PRELID2: variants seen among roughly 807,000 people sequenced by gnomAD.
PRELID2 encodes PRELI domain-containing protein 2.
Under a neutral mutation model 28.4 loss-of-function variants are expected in PRELID2, and 25 were observed. That is an observed-to-expected ratio of 0.88 (90% CI 0.64 to 1.23). The LOEUF is 1.23. Among genes scored for constraint, PRELID2 ranks in the 50% most tolerant of loss-of-function variants. The pLI, the probability that PRELID2 is intolerant of heterozygous loss-of-function variation, is 0.00. For missense variants in PRELID2, 201 were observed against 214.4 expected (o/e 0.94, Z 0.39); for synonymous variants, 76 against 71.6 (o/e 1.06, Z -0.31).
chr5:145,302,379 C>T, the PRELID2 span, among the ~76,000 whole-genome samples: 1 of 152,056 alleles, frequency 6.6e-6, no homozygotes, highest in Non-Finnish European at 1.5e-5. Context: ...CTCAAGTGAT[C>T]TGCCCACCTC....
chr5:145,694,978 A>AAT (rs1755228206), intron 1 of PRELID2, among the ~76,000 whole-genome samples: 1 of 152,178 alleles, frequency 6.6e-6, no homozygotes, highest in African/African-American at 2.4e-5. Context: ...CACCCCCCAC[A>AAT]TAGTTATTGG....
At chr5:145,766,773 A>G (rs1757788078) in intron 5 of PRELID2, among the ~76,000 whole-genome samples, 1 of 152,162 alleles carries the variant, frequency 6.6e-6, no homozygotes, top group African/African-American at 2.4e-5. Flanking sequence ...ACTTTTACTA[A>G]GGAGTAACAT....
At chr5:145,483,327 GT>G (rs915162267) in intron 1 of PRELID2, among the ~76,000 whole-genome samples, 4 of 152,162 alleles carry the variant, frequency 2.6e-5, no homozygotes, top group Non-Finnish European at 5.9e-5. Context: ...TCTACTAGCT[GT>G]TTTGGATCCC....
At chr5:145,820,171 G>A (rs1213857707) in intron 2 of PRELID2, among the ~76,000 whole-genome samples, 153 bp from the exon 3 acceptor site, 6 of 148,942 alleles carry the variant, frequency 4.0e-5, no homozygotes, top group Non-Finnish European at 8.9e-5. Flanking sequence ...GCACGGTCTC[G>A]GCTCACTGCA....
chr5:145,674,607 T>C (rs950057736), intron 1 of PRELID2, among the ~76,000 whole-genome samples: 2 of 152,314 alleles, frequency 1.3e-5, no homozygotes, highest in East Asian at 3.9e-4. Flanking sequence ...GATCTATTCC[T>C]CACTCCATAT....
intron 1 of PRELID2, among the ~76,000 whole-genome samples, chr5:145,635,183 G>A (rs1283737648): frequency 6.6e-6 from 1 of 152,126 alleles, no homozygotes; most frequent in Non-Finnish European, 1.5e-5. Context: ...TGGGGTTTTT[G>A]TCTAGGATTG....
chr5:145,566,047 G>C (rs539025559), intron 1 of PRELID2, among the ~76,000 whole-genome samples: 1 of 152,304 alleles, frequency 6.6e-6, no homozygotes, highest in South Asian at 2.1e-4. Context: ...GGGTAGATCA[G>C]AGTGCTGTTA....
intron 5 of PRELID2, among the ~76,000 whole-genome samples, chr5:145,783,453 G>A (rs1251542015): frequency 6.6e-6 from 1 of 152,208 alleles, no homozygotes; most frequent in Non-Finnish European, 1.5e-5. Context: ...GGGCTGATGG[G>A]GAAGGAGATG....
chr5:145,456,206 CT>C, the PRELID2 span, among the ~76,000 whole-genome samples: 1 of 152,296 alleles, frequency 6.6e-6, no homozygotes, highest in South Asian at 2.1e-4. Flanking sequence ...ATTCAGCTGA[CT>C]TTTGTTTTTC....
At chr5:145,235,901 C>T in the PRELID2 span, among the ~76,000 whole-genome samples, 3 of 152,056 alleles carry the variant, frequency 2.0e-5, no homozygotes, top group Non-Finnish European at 4.4e-5. Context: ...TAAACAGGAG[C>T]CAGTGCACAG....
At chr5:145,337,304 A>G in the PRELID2 span, among the ~76,000 whole-genome samples, 1 of 152,178 alleles carries the variant, frequency 6.6e-6, no homozygotes, top group South Asian at 2.1e-4. Flanking sequence ...GCAATATTGC[A>G]AACCTCTAGC....
the PRELID2 span, among the ~76,000 whole-genome samples, chr5:145,258,988 C>T: frequency 1.3e-5 from 2 of 152,162 alleles, no homozygotes; most frequent in Admixed American, 6.5e-5. Flanking sequence ...CCAGTCACTC[C>T]AGCTCCAGTC....
chr5:145,416,254 A>T, the PRELID2 span, among the ~76,000 whole-genome samples: 7 of 151,986 alleles, frequency 4.6e-5, no homozygotes, highest in Admixed American at 1.3e-4. Flanking sequence ...TACACCTTAT[A>T]CAAAAATTAA....
the PRELID2 span, among the ~76,000 whole-genome samples, chr5:145,385,599 T>C: frequency 6.6e-6 from 1 of 152,208 alleles, no homozygotes; most frequent in Non-Finnish European, 1.5e-5. Flanking sequence ...CATTTTTCAC[T>C]ACTGTAACAC....
downstream of PRELID2, among the ~76,000 whole-genome samples, chr5:145,753,747 T>C (rs1231256597): frequency 6.6e-6 from 1 of 152,200 alleles, no homozygotes; most frequent in Non-Finnish European, 1.5e-5. Flanking sequence ...GGTGAGACCC[T>C]GGCATCGGTG....
At chr5:145,598,046 A>G (rs970910944) in intron 1 of PRELID2, among the ~76,000 whole-genome samples, 2 of 152,184 alleles carry the variant, frequency 1.3e-5, no homozygotes, top group Admixed American at 6.5e-5. Context: ...CATGGGTTAG[A>G]TTGGCCTGGA....
intron 1 of PRELID2, among the ~76,000 whole-genome samples, chr5:145,520,125 A>T (rs1752551661): frequency 6.6e-6 from 1 of 152,134 alleles, no homozygotes; most frequent in African/African-American, 2.4e-5. Context: ...GGGTACAAAA[A>T]AATTCTGTAA....
intron 1 of PRELID2, among the ~76,000 whole-genome samples, chr5:145,487,874 C>A (rs1056020342): frequency 6.6e-6 from 1 of 151,586 alleles, no homozygotes; most frequent in African/African-American, 2.4e-5. Context: ...CCTGTAATCC[C>A]AGGACTTTGG....
At chr5:145,830,419 G>C (rs1755506002) in intron 1 of PRELID2, among the ~76,000 whole-genome samples, 1 of 152,136 alleles carries the variant, frequency 6.6e-6, no homozygotes, top group South Asian at 2.1e-4. Context: ...GAAGTTCTCT[G>C]AATCCAGCTC....
Sources: gnomAD v4.1 joint callset for allele counts (sites outside exome capture counted in the v4.1 genomes callset) on GRCh38, gnomAD v4.1.1 for gene constraint, MANE v1.5 for transcripts, NCBI Gene and HGNC (gene_info 2026-07-23, HGNC 2026-07-21) for gene names.